The following TRIM65 variants were observed in gnomAD, a reference collection of about 807,000 sequenced individuals.
TRIM65 encodes E3 ubiquitin-protein ligase TRIM65.
A neutral mutation model predicts 36.1 loss-of-function variants in TRIM65; 46 were observed. That is an observed-to-expected ratio of 1.27 (90% confidence interval 1.01 to 1.63). TRIM65 has a LOEUF of 1.63. Ranked by LOEUF, TRIM65 falls within the 40% of genes most tolerant of loss-of-function variation. The pLI, the probability that TRIM65 is intolerant of heterozygous loss-of-function variation, is 0.00. For synonymous variants in TRIM65, 346 were observed against 313.6 expected, an observed-to-expected ratio of 1.10 and a Z score of -1.09; for missense variants, 708 against 696.6, an observed-to-expected ratio of 1.02 and a Z score of -0.18.
At chr17:75,895,780 G>A (rs962936243) in intron 1 of TRIM65, among the ~76,000 whole-genome samples, 7 of 152,168 alleles carry the variant, frequency 4.6e-5, no homozygotes, top group African/African-American at 1.7e-4. Context: ...CTTCTTAAGT[G>A]GATTCTAAGT....
At chr17:75,895,789 G>A (rs1486873363) in intron 1 of TRIM65, among the ~76,000 whole-genome samples, 1 of 152,176 alleles carries the variant, frequency 6.6e-6, no homozygotes, top group Non-Finnish European at 1.5e-5. Context: ...TGGATTCTAA[G>A]TCTCTTAAGG....
chr17:75,894,557 T>G (rs914194792), intron 1 of TRIM65, among the ~76,000 whole-genome samples: 1 of 152,044 alleles, frequency 6.6e-6, no homozygotes, highest in African/African-American at 2.4e-5. Context: ...GCGCTAATGA[T>G]TCCCAGCTCT....
chr17:75,891,212 T>C lies in TRIM65; in HGVS notation c.1121A>G (p.Gln374Arg). ...GPGSFELWQVQCAQSFQAGHH... is the reference protein window; with the variant it reads ...GPGSFELWQVRCAQSFQAGHH... ...CCCGGCCTGGAAGCTCTGGGCACAT[T>C]GCACCTGCCAGAGCTCAAAGCTGCC... is the stretch of plus-strand genomic sequence containing the variant. The change falls in exon 6 of 6, where the codon CAA becomes CGA. Residue 374 changes from glutamine to arginine, a missense_variant. By Grantham distance (43) the Gln-to-Arg change is conservative (BLOSUM62 1). Coordinates refer to ENST00000269383, the MANE Select transcript of TRIM65 (RefSeq NM_173547.4). The C allele has an allele frequency of 6.2e-7, 1 of 1,612,510 alleles. No individual in the cohort carries two copies. The highest frequency in any genetic ancestry group is 1.7e-5 in the Admixed American group (1 of 60,016).
downstream of TRIM65, among the ~76,000 whole-genome samples, chr17:75,884,364 CAGGAGA>C (rs2065190841): frequency 3.3e-5 from 5 of 151,964 alleles, no homozygotes; most frequent in African/African-American, 1.2e-4. Context: ...GAGGCTGAAG[CAGGAGA>C]ATCGCTTGAA....
chr17:75,879,981 T>C (rs572361333), downstream of TRIM65, among the ~76,000 whole-genome samples: 3 of 150,862 alleles, frequency 2.0e-5, no homozygotes, highest in African/African-American at 7.5e-5. Flanking sequence ...CTCGAACTGC[T>C]GACTTCAGGT....
In TRIM65 at chr17:75,892,065, C is replaced by T; in HGVS notation, c.865G>A (p.Glu289Lys). The change falls in exon 4 of 6, where the codon GAA (glutamate) becomes AAA (lysine). Residue 289 changes from glutamate to lysine, a missense_variant. Coordinates refer to ENST00000269383, the MANE Select transcript of TRIM65 (RefSeq NM_173547.4). ...LLSRLCGLLL[E>K]EGSHPGAPAK... Reference sequence around the variant, plus strand: ...GGTGCCCCAGGGTGGCTCCCCTCTTCCAAGAGGAGGCCACACAGCCGGCTT... The same window carrying T: ...GGTGCCCCAGGGTGGCTCCCCTCTTTCAAGAGGAGGCCACACAGCCGGCTT... 6.4e-7 allele frequency: 1 copy of T among 1,551,932 alleles called. No individual in the cohort carries two copies. The highest frequency in any genetic ancestry group is 8.7e-7 in the Non-Finnish European group (1 of 1,147,180).
downstream of TRIM65, among the ~76,000 whole-genome samples, chr17:75,886,893 G>A (rs931966361): frequency 3.0e-4 from 46 of 152,284 alleles, no homozygotes; most frequent in African/African-American, 1.1e-3. Context: ...AGAGACGGTG[G>A]AGAGTTCTAT....
rs1262569419 is a variant in TRIM65 at position 75,892,452 on chromosome 17, G to A, written c.559C>T (p.Leu187=). 2 of 1,614,126 alleles carry A rather than the reference G, an allele frequency of 1.2e-6. No individual in the cohort carries two copies. Residue 187 remains leucine (L), a synonymous_variant, in exon 3 of 6, where the codon CTG becomes TTG. Transcript: ENST00000269383. The stretch of plus-strand genomic sequence containing the variant: ...TGCTGTATTTCCAGGGCCTGTAGCA[G>A]GCTGCTGAACTTGCCGGAGACCCAG... ...ASWVSGKFSS[L]LQALEIQHTT... is the part of the protein sequence containing the mutation.
chr17:75,882,197 G>A (rs1405188581), intron 4 of TRIM65, among the ~76,000 whole-genome samples: 1 of 150,278 alleles, frequency 6.7e-6, no homozygotes, highest in Non-Finnish European at 1.5e-5. Context: ...CAGTGTGGTG[G>A]CATCTTGCTA....
At position 75,893,769 on chromosome 17, in the gene TRIM65, C is replaced by T. The variant is rs1006706844; in HGVS notation, c.415-919G>A. Among the ~76,000 whole-genome samples the T allele has an allele frequency of 8.5e-5, 13 of 152,116 alleles. 2 individuals carry two copies. The highest frequency in any genetic ancestry group is 5.9e-4 in the Admixed American group (9 of 15,286). On this transcript the variant is annotated intron_variant, in intron 1 of 5. Transcript: ENST00000269383. ...GGCCGGAGGGCAGGCTCTCCCAGGGCACCCAACCCTCCCCCAGGGACAGGC... is the reference window on the plus strand; with the variant it reads ...GGCCGGAGGGCAGGCTCTCCCAGGGTACCCAACCCTCCCCCAGGGACAGGC...
At chr17:75,882,822 G>GTAGT (rs1288480712) in intron 4 of TRIM65, among the ~76,000 whole-genome samples, 1 of 150,198 alleles carries the variant, frequency 6.7e-6, no homozygotes, top group African/African-American at 2.5e-5. Flanking sequence ...GGCTGTAGTA[G>GTAGT]TAGTGCTTGA....
chr17:75,896,800 C>T lies in TRIM65; in HGVS notation c.138G>A (p.Ala46=). The part of the protein sequence containing the change: ...IRDWWDRCGK[A]CPECREPFPD... ...GAAAGGGCTCCCGGCACTCGGGGCA[C>T]GCCTTTCCGCAGCGGTCCCACCAGT... Residue 46 remains alanine (A), a synonymous_variant, in exon 1 of 6, where the codon GCG becomes GCA. Coordinates refer to ENST00000269383, the MANE Select transcript of TRIM65 (RefSeq NM_173547.4). The T allele has an allele frequency of 1.3e-6, 2 of 1,510,860 alleles. No individual in the cohort carries two copies. Among genetic ancestry groups the T allele is most frequent in the Middle Eastern group, 3.7e-4 (2 of 5,334 alleles). The allele number at this position is 1,510,860 out of a possible 1,614,324, so 93.6% of individuals were successfully genotyped here.
At chr17:75,885,159 C>T (rs905998277), downstream of TRIM65, among the ~76,000 whole-genome samples, 3 of 152,184 alleles carry the variant, frequency 2.0e-5, no homozygotes, top group Non-Finnish European at 4.4e-5. Flanking sequence ...AACTCCTGAC[C>T]TCGTGATCCA....
In TRIM65 at chr17:75,892,308, G is replaced by A. The variant is rs148871052; in HGVS notation, c.703C>T (p.Arg235Trp). 2.1e-5 allele frequency: 34 copies of A among 1,612,456 alleles called. No homozygotes were observed. The highest frequency in any genetic ancestry group is 1.1e-4 in the African/African-American group (8 of 74,926). Residue 235 changes from arginine to tryptophan, a missense_variant, in exon 3 of 6, where the codon CGG becomes TGG. Physicochemically the swap from Arg to Trp is moderately radical, Grantham distance 101. Coordinates refer to ENST00000269383, the MANE Select transcript of TRIM65 (RefSeq NM_173547.4). ...TCATCCACCTGCTCCAGGAGCTCCC[G>A]GATCCTGCAGCCATGGCGAGCCACA... ...EAVARHGCRIRELLEQVDEQT... is the reference protein window; with the variant it reads ...EAVARHGCRIWELLEQVDEQT...
chr17:75,887,516 G>C (rs554837347), downstream of TRIM65, among the ~76,000 whole-genome samples: 20 of 151,672 alleles, frequency 1.3e-4, no homozygotes, highest in East Asian at 3.5e-3. Flanking sequence ...GCATGGTGGC[G>C]GGTGCCTGTA....
At chr17:75,881,474 C>T (rs1383488017) in intron 4 of TRIM65, among the ~76,000 whole-genome samples, 1 of 150,374 alleles carries the variant, frequency 6.7e-6, no homozygotes, top group East Asian at 1.9e-4. Context: ...GTGAGAGCTG[C>T]TTCCTGGGTT....
chr17:75,891,795 C>T lies in TRIM65; in HGVS notation c.985+18G>A. 1 of 1,603,226 alleles carries T rather than the reference C, an allele frequency of 6.2e-7. No individual in the cohort carries two copies. Among genetic ancestry groups the T allele is most frequent in the South Asian group, 1.1e-5 (1 of 88,980 alleles). ...ACACGCACACACAGGGGCACACATACACGAACGGCCTCCTTACTCTGCCAG... is the reference window on the plus strand; with the variant it reads ...ACACGCACACACAGGGGCACACATATACGAACGGCCTCCTTACTCTGCCAG... On this transcript the variant is annotated intron_variant, in intron 5 of 5. Coordinates refer to ENST00000269383, the MANE Select transcript of TRIM65 (RefSeq NM_173547.4).
At position 75,890,610 on chromosome 17, in the gene TRIM65, G is replaced by T. The variant is rs770675519; in HGVS notation, c.*169C>A. 13 of 578,372 alleles carry T rather than the reference G, an allele frequency of 2.2e-5. No individual in the cohort carries two copies. The highest frequency in any genetic ancestry group is 3.5e-5 in the Non-Finnish European group (12 of 345,568). The allele number at this position is 578,372 out of a possible 1,614,324, so 35.8% of individuals were successfully genotyped here. ...CCTAGACTGTGTCCCCTTCAAAAAG[G>T]CTGCAACAGTGAACTCTGCGTTTAT... On this transcript the variant is annotated 3_prime_UTR_variant, in exon 6 of 6. Coordinates refer to ENST00000269383, the MANE Select transcript of TRIM65 (RefSeq NM_173547.4).
chr17:75,892,140 G>T lies in TRIM65; in HGVS notation c.790C>A (p.Pro264Thr), dbSNP rs1401123232. ...QPPGPLGPLT[P>T]LQWDEDQQLG... ...TGTTGGTCTTCATCCCACTGCAGAG[G>T]GGTCAGTGGCCCAAGAGGCCCTGGG... The change falls in exon 4 of 6, where the codon CCT becomes ACT. Residue 264 changes from proline to threonine, a missense_variant. By Grantham distance (38) the Pro-to-Thr change is conservative (BLOSUM62 -1). Transcript: ENST00000269383. 1.3e-6 allele frequency: 2 copies of T among 1,567,364 alleles called. No homozygotes were observed. The highest frequency in any genetic ancestry group is 1.2e-5 in the South Asian group (1 of 85,416).
Sources: allele counts gnomAD v4.1 joint callset (sites outside exome capture counted in the v4.1 genomes callset), GRCh38; gene constraint gnomAD v4.1.1; transcripts MANE v1.5; gene names NCBI Gene and HGNC (gene_info 2026-07-23, HGNC 2026-07-21).